The following SNN variants were observed in gnomAD, a reference collection of about 807,000 sequenced individuals.
The protein encoded by SNN is stannin.
In SNN, 5 loss-of-function variants were observed where a neutral mutation model predicts 5.3. The ratio of observed to expected loss-of-function variants is 0.94; its 90% confidence interval spans 0.49 to 1.97. SNN has a LOEUF of 1.97. SNN is among the 30% of genes most tolerant of loss of function. The pLI is 0.01. For missense variants in SNN, 127 were observed against 121.6 expected (o/e 1.04, Z -0.21); for synonymous variants, 67 against 52.1 (o/e 1.29, Z -1.24).
At chr16:11,670,772 C>G (rs563583816) in intron 1 of SNN, among the ~76,000 whole-genome samples, 6 of 152,150 alleles carry the variant, frequency 3.9e-5, no homozygotes, top group East Asian at 1.9e-4. Flanking sequence ...GTGGGCCCCC[C>G]GGGCCTAGAG....
At position 11,672,221 on chromosome 16, in the gene SNN, C is replaced by A. The variant is rs774827692; in HGVS notation, c.-86+3681C>A. On this transcript the variant is annotated intron_variant, in intron 1 of 1. Coordinates refer to ENST00000329565, the MANE Select transcript of SNN (RefSeq NM_003498.6). This position sits in a 1 kb window ranked among gnomAD's most constrained non-coding sequence, Gnocchi z 6.0. The stretch of plus-strand genomic sequence containing the variant: ...GGGGTACAGCTGTGGGCGGGACAGA[C>A]GGTGCCCTCCTTGGACTGCCTTGGA... Among the ~76,000 whole-genome samples, 1 of 152,128 alleles carries A rather than the reference C, an allele frequency of 6.6e-6. No homozygotes were observed. The highest frequency in any genetic ancestry group is 2.4e-5 in the African/African-American group (1 of 41,424).
Position 11,671,295 on chromosome 16 carries a change from G to A in SNN, c.-86+2755G>A, listed in dbSNP as rs1267155850. On this transcript the variant is annotated intron_variant, in intron 1 of 1. Transcript: ENST00000329565. This position sits in a 1 kb window ranked among gnomAD's most constrained non-coding sequence, Gnocchi z 4.7. ...TTGGCAGAGGATGGCAAGACTGAAG[G>A]CACATGGAGCAGGAGGGTGTGTGTT... 6.6e-6 allele frequency among the ~76,000 whole-genome samples: 1 copy of A among 152,148 alleles called. No homozygotes were observed. The highest frequency in any genetic ancestry group is 1.9e-4 in the East Asian group (1 of 5,188).
intron 1 of SNN, among the ~76,000 whole-genome samples, chr16:11,670,076 C>A (rs992715084): frequency 6.6e-6 from 1 of 152,212 alleles, no homozygotes; most frequent in Admixed American, 6.5e-5. Flanking sequence ...ACGGACGTCC[C>A]GCCTCGTCCT....
chr16:11,674,971 C>T (rs564157261), intron 1 of SNN, among the ~76,000 whole-genome samples: 3 of 152,318 alleles, frequency 2.0e-5, no homozygotes, highest in African/African-American at 7.2e-5. Flanking sequence ...CCCTGCCTCC[C>T]CGAAGCTTTC....
chr16:11,671,432 G>T lies in SNN; in HGVS notation c.-86+2892G>T, dbSNP rs1456734216. Among the ~76,000 whole-genome samples, 1 of 152,164 alleles carries T rather than the reference G, an allele frequency of 6.6e-6. No individual in the cohort carries two copies. Among genetic ancestry groups the T allele is most frequent in the East Asian group, 1.9e-4 (1 of 5,190 alleles). On this transcript the variant is annotated intron_variant, in intron 1 of 1. Transcript: ENST00000329565. The surrounding 1 kb of genome is among the most constrained non-coding windows in gnomAD (Gnocchi z 4.7). ...CTGGGTCCTGGCCCCTCTGCACTTG[G>T]AAGACCCCTTGGCTCTGCTGGGCTC...
rs2050305366 is a variant in SNN, at chr16:11,676,458, A to G, written c.*132A>G. The stretch of plus-strand genomic sequence containing the variant: ...TGGCATGGCCTCTGCGGGCTTCGTC[A>G]TCGCATGCACTGATGCCCGGGGACC... On this transcript the variant is annotated 3_prime_UTR_variant, in exon 2 of 2. Transcript: ENST00000329565. The G allele has an allele frequency of 8.6e-7, 1 of 1,159,238 alleles. No individual in the cohort carries two copies. Among genetic ancestry groups the G allele is most frequent in the South Asian group, 1.5e-5 (1 of 64,826 alleles). The allele number at this position is 1,159,238 out of a possible 1,614,324, so 71.8% of individuals were successfully genotyped here.
At chr16:11,675,777 A>G (rs976794108) in intron 1 of SNN, among the ~76,000 whole-genome samples, 198 bp from the exon 2 acceptor site, 5 of 152,192 alleles carry the variant, frequency 3.3e-5, no homozygotes, top group African/African-American at 9.7e-5. Flanking sequence ...AGGGTGACTC[A>G]CCTGCCTGGT....
chr16:11,671,726 G>A lies in SNN; in HGVS notation c.-86+3186G>A, dbSNP rs753481647. On this transcript the variant is annotated intron_variant, in intron 1 of 1. Transcript: ENST00000329565. This position sits in a 1 kb window ranked among gnomAD's most constrained non-coding sequence, Gnocchi z 4.7. ...CCTGTGGGCTTTACTGGATCAGGGC[G>A]AGGGGTTACCCAGCTTGCAAGACAC... 6.6e-6 allele frequency among the ~76,000 whole-genome samples: 1 copy of A among 152,210 alleles called. No homozygotes were observed. Among genetic ancestry groups the A allele is most frequent in the Non-Finnish European group, 1.5e-5 (1 of 68,042 alleles).
At chr16:11,675,214 G>T (rs1567280057) in intron 1 of SNN, among the ~76,000 whole-genome samples, 1 of 151,774 alleles carries the variant, frequency 6.6e-6, no homozygotes, top group Non-Finnish European at 1.5e-5. Flanking sequence ...TGTCTGTTTG[G>T]GAGAGGGACT....
chr16:11,669,784 C>T (rs1452447608), intron 1 of SNN, among the ~76,000 whole-genome samples: 2 of 152,196 alleles, frequency 1.3e-5, no homozygotes, highest in African/African-American at 2.4e-5. Flanking sequence ...AGGAAGACCC[C>T]GACTGACCTT....
At position 11,668,549 on chromosome 16, in the gene SNN, G is replaced by A. The variant is rs1216647902; in HGVS notation, c.-86+9G>A. ...GCCGCTGCCGCGCCATGGTGAGCCG[G>A]GCGGGGCAGGCCGCGCGCTCGGGCC... On this transcript the variant is annotated intron_variant, in intron 1 of 1. Transcript: ENST00000329565. The surrounding 1 kb of genome is among the most constrained non-coding windows in gnomAD (Gnocchi z 6.8). 6.9e-6 allele frequency: 1 copy of A among 145,596 alleles called. No homozygotes were observed. The highest frequency in any genetic ancestry group is 1.5e-5 in the Non-Finnish European group (1 of 65,362). 9.0% of individuals were successfully genotyped at this position (145,596 alleles called of 1,614,324 possible).
rs960523764 is a variant in SNN at position 11,679,063 on chromosome 16, C to G, written c.*2737C>G. On this transcript the variant is annotated 3_prime_UTR_variant, in exon 2 of 2. Coordinates refer to ENST00000329565, the MANE Select transcript of SNN (RefSeq NM_003498.6). The surrounding 1 kb of genome is among the most constrained non-coding windows in gnomAD (Gnocchi z 4.6). ...GGATGTCATCCTTCTTCAATAAATG[C>G]TGAATGACATTCAAGCTGATTTTCT... is the stretch of plus-strand genomic sequence containing the variant. 2.0e-6 allele frequency: 2 copies of G among 982,108 alleles called. No homozygotes were observed. The highest frequency in any genetic ancestry group is 3.3e-5 in the African/African-American group (2 of 60,516). 60.8% of individuals were successfully genotyped at this position (982,108 alleles called of 1,614,324 possible).
At chr16:11,669,106 C>T (rs912417733) in intron 1 of SNN, among the ~76,000 whole-genome samples, 1 of 152,198 alleles carries the variant, frequency 6.6e-6, no homozygotes, top group Non-Finnish European at 1.5e-5. Context: ...CCCCAGCTGC[C>T]GTCCCCTCTC....
rs537640723 is a variant in SNN at position 11,675,130 on chromosome 16, C to T, written c.-85-845C>T. ...GGGTCTTCCCAGGCCCGATGCAGTG[C>T]CTGGTGACAAAGGCTGTTGTCCAGT... On this transcript the variant is annotated intron_variant, in intron 1 of 1. Coordinates refer to ENST00000329565, the MANE Select transcript of SNN (RefSeq NM_003498.6). Among the ~76,000 whole-genome samples, 390 of 152,268 alleles carry T rather than the reference C, an allele frequency of 2.6e-3. 1 individual carries two copies. Among genetic ancestry groups the T allele is most frequent in the African/African-American group, 8.9e-3 (370 of 41,554 alleles).
chr16:11,668,510 G>A lies in SNN; in HGVS notation c.-116G>A, dbSNP rs1378589595. 1 of 145,496 alleles carries A rather than the reference G, an allele frequency of 6.9e-6. No individual in the cohort carries two copies. Among genetic ancestry groups the A allele is most frequent in the African/African-American group, 2.5e-5 (1 of 40,628 alleles). 9.0% of individuals were successfully genotyped at this position (145,496 alleles called of 1,614,324 possible). On this transcript the variant is annotated 5_prime_UTR_variant, in exon 1 of 2. Transcript: ENST00000329565. The surrounding 1 kb of genome is among the most constrained non-coding windows in gnomAD (Gnocchi z 6.8). ...AGCCGGGCCCGCGGGGCTGCTGCGGGGCGATCGGGCCGGGCCGCTGCCGCG... is the reference window on the plus strand; with the variant it reads ...AGCCGGGCCCGCGGGGCTGCTGCGGAGCGATCGGGCCGGGCCGCTGCCGCG...
chr16:11,675,751 G>A (rs777338100), intron 1 of SNN, among the ~76,000 whole-genome samples: 4 of 152,166 alleles, frequency 2.6e-5, no homozygotes, highest in African/African-American at 4.8e-5. Context: ...CAGTGTTCCC[G>A]GCTCTGCCGC....
Position 11,672,619 on chromosome 16 carries a change from A to C in SNN, c.-85-3356A>C, listed in dbSNP as rs1021549456. On this transcript the variant is annotated intron_variant, in intron 1 of 1. Coordinates refer to ENST00000329565, the MANE Select transcript of SNN (RefSeq NM_003498.6). The surrounding 1 kb of genome is among the most constrained non-coding windows in gnomAD (Gnocchi z 6.0). ...TCAGGAAACATTTGCTGAGTGAATG[A>C]AGGAACAGATACGCACTCGGGAGGG... is the stretch of plus-strand genomic sequence containing the variant. 6.6e-6 allele frequency among the ~76,000 whole-genome samples: 1 copy of C among 152,192 alleles called. No homozygotes were observed. The highest frequency in any genetic ancestry group is 2.4e-5 in the African/African-American group (1 of 41,442).
Position 11,674,347 on chromosome 16 carries a change from C to G in SNN, c.-85-1628C>G, listed in dbSNP as rs556080082. Among the ~76,000 whole-genome samples, 7 of 152,314 alleles carry G rather than the reference C, an allele frequency of 4.6e-5. No individual in the cohort carries two copies. In the East Asian group the frequency reaches 7.7e-4, roughly 17 times the overall value. On this transcript the variant is annotated intron_variant, in intron 1 of 1. Transcript: ENST00000329565. Reference sequence around the variant, plus strand: ...GCGAGGCAGGAGAGGGAAGAAAGTGCAGGGTCTTGGGACTCCAGAGAACCT... The same window carrying G: ...GCGAGGCAGGAGAGGGAAGAAAGTGGAGGGTCTTGGGACTCCAGAGAACCT...
At chr16:11,675,241 C>CTTTTTCTTTTT (rs1423373877) in intron 1 of SNN, among the ~76,000 whole-genome samples, 4 of 141,030 alleles carry the variant, frequency 2.8e-5, no homozygotes, top group Non-Finnish European at 6.3e-5. Flanking sequence ...ATTGTCATTT[C>CTTTTTCTTTTT]TTTTTCTTTT....
Sources: gnomAD v4.1 joint callset for allele counts (sites outside exome capture counted in the v4.1 genomes callset) on GRCh38, gnomAD v4.1.1 for gene constraint, Gnocchi (gnomAD v3.1) non-coding constraint, MANE v1.5 for transcripts, NCBI Gene and HGNC (gene_info 2026-07-23, HGNC 2026-07-21) for gene names.